TRPC7: variants seen among roughly 807,000 people sequenced by gnomAD.
The protein encoded by TRPC7 is transient receptor potential cation channel subfamily C member 7.
TRPC7 carries 42 observed loss-of-function variants against 90.1 expected under a neutral mutation model. That is an observed-to-expected ratio of 0.47 (90% CI 0.36 to 0.60). The LOEUF (loss-of-function observed/expected upper bound fraction) is 0.60. Ranked by LOEUF, TRPC7 falls within the 20% of genes least tolerant of loss-of-function variation. TRPC7 has a pLI of 0.00. For synonymous variants in TRPC7, 451 were observed against 436.3 expected (o/e 1.03, Z -0.42); for missense variants, 955 against 1,112.3 (o/e 0.86, Z 2.01).
chr5:136,276,109 A>G (rs766222293), intron 3 of TRPC7, among the ~76,000 whole-genome samples: 1 of 152,202 alleles, frequency 6.6e-6, no homozygotes, highest in Non-Finnish European at 1.5e-5. Flanking sequence ...TAGTTGACTC[A>G]GGGTCAACTG....
At chr5:136,298,024 G>A (rs1475151731) in intron 3 of TRPC7, among the ~76,000 whole-genome samples, 1 of 152,136 alleles carries the variant, frequency 6.6e-6, no homozygotes, top group African/African-American at 2.4e-5. Context: ...TCTTCTACTT[G>A]CCTGGGTATG....
Position 136,260,148 on chromosome 5 carries a change from T to C in TRPC7, c.1345+6072A>G, listed in dbSNP as rs563366861. On this transcript the variant is annotated intron_variant, in intron 5 of 11. Coordinates refer to ENST00000513104, the MANE Select transcript of TRPC7 (RefSeq NM_020389.3). Reference sequence around the variant, plus strand: ...AAGTTGTTGTCAACACAAGTGGCCATTGAAAGAGGTGATTGGGAAAACCAG... The same window carrying C: ...AAGTTGTTGTCAACACAAGTGGCCACTGAAAGAGGTGATTGGGAAAACCAG... Among the ~76,000 whole-genome samples the C allele has an allele frequency of 5.9e-5, 9 of 152,202 alleles. No individual in the cohort carries two copies. The South Asian group carries it at 1.9e-3, about 32-fold the overall frequency.
At chr5:136,344,610 C>T (rs139134916) in intron 2 of TRPC7, among the ~76,000 whole-genome samples, 169 of 152,294 alleles carry the variant, frequency 1.1e-3, no homozygotes, top group African/African-American at 3.8e-3. Flanking sequence ...GACAGCAGCA[C>T]GTGGCACATC....
chr5:136,286,077 G>C (rs905697232), intron 3 of TRPC7, among the ~76,000 whole-genome samples: 1 of 152,218 alleles, frequency 6.6e-6, no homozygotes, highest in African/African-American at 2.4e-5. Flanking sequence ...ACTTGGAACA[G>C]TGTCCAGTAC....
At chr5:136,253,137 ATTAATATTT>A (rs1756578568) in intron 5 of TRPC7, among the ~76,000 whole-genome samples, 2 of 152,196 alleles carry the variant, frequency 1.3e-5, no homozygotes. Flanking sequence ...TGTTGCAGTG[ATTAATATTT>A]TGGATATGAT....
intron 2 of TRPC7, among the ~76,000 whole-genome samples, chr5:136,330,688 G>A (rs1234535166): frequency 1.3e-5 from 2 of 152,254 alleles, no homozygotes; most frequent in Non-Finnish European, 2.9e-5. Flanking sequence ...GGGAAGGACA[G>A]GAGATGAGAC....
At chr5:136,223,064 C>T (rs557185378) in intron 10 of TRPC7, among the ~76,000 whole-genome samples, 8 of 152,330 alleles carry the variant, frequency 5.3e-5, no homozygotes, top group African/African-American at 1.9e-4. Flanking sequence ...TTCTCTCAGC[C>T]CCTTTCCTCT....
chr5:136,214,289 A>G (rs2149790960), intron 11 of TRPC7: 1 of 152,670 alleles, frequency 6.6e-6, no homozygotes, highest in Non-Finnish European at 1.5e-5. Context: ...TAGAAGTCCA[A>G]TGGGTCTAGG....
intron 5 of TRPC7, among the ~76,000 whole-genome samples, chr5:136,262,486 G>A (rs1756891277): frequency 6.6e-6 from 1 of 152,208 alleles, no homozygotes; most frequent in African/African-American, 2.4e-5. Flanking sequence ...AATTTGAACA[G>A]TGATTTGAAG....
intron 3 of TRPC7, among the ~76,000 whole-genome samples, chr5:136,299,335 GT>G: frequency 5.3e-5 from 5 of 94,106 alleles, no homozygotes; most frequent in Non-Finnish European, 6.4e-5. Context: ...TGACTGGGGT[GT>G]GTGCGTGTGT....
chr5:136,261,178 A>C (rs919393631), intron 5 of TRPC7, among the ~76,000 whole-genome samples: 50 of 152,110 alleles, frequency 3.3e-4, no homozygotes, highest in African/African-American at 1.2e-3. Context: ...GCTCAAATCT[A>C]TCTCTCAGTT....
intron 2 of TRPC7, among the ~76,000 whole-genome samples, chr5:136,338,533 T>C (rs1176946694): frequency 6.6e-6 from 1 of 152,188 alleles, no homozygotes; most frequent in Admixed American, 6.5e-5. Context: ...AGGCGGGACA[T>C]GTTTTGAAAG....
At position 136,251,767 on chromosome 5, in the gene TRPC7, T is replaced by A; in HGVS notation, c.1461A>T (p.Thr487=). The A allele has an allele frequency of 6.2e-7, 1 of 1,613,962 alleles. No individual in the cohort carries two copies. Among genetic ancestry groups the A allele is most frequent in the Non-Finnish European group, 8.5e-7 (1 of 1,179,872 alleles). Reference sequence around the variant, plus strand: ...CCTTCAGGAAGGCCATGAAGCGTGCTGTGAAGGAGGCCACGAAGATGGACA... The same window carrying A: ...CCTTCAGGAAGGCCATGAAGCGTGCAGTGAAGGAGGCCACGAAGATGGACA... ...GMLSIFVASF[T]ARFMAFLKAT... Residue 487 remains threonine (T), a synonymous_variant, in exon 6 of 12, where the codon ACA becomes ACT. Coordinates refer to ENST00000513104, the MANE Select transcript of TRPC7 (RefSeq NM_020389.3).
intron 3 of TRPC7, among the ~76,000 whole-genome samples, chr5:136,312,239 T>A (rs1443108541): frequency 6.6e-6 from 1 of 152,170 alleles, no homozygotes; most frequent in Non-Finnish European, 1.5e-5. Context: ...TAAAACCATG[T>A]CCTCATAACG....
intron 3 of TRPC7, among the ~76,000 whole-genome samples, chr5:136,302,541 G>T (rs10053804): frequency 0.73 from 111,291 of 151,860 alleles, 41,930 homozygotes; most frequent in African/African-American, 0.93. Flanking sequence ...TCTCTGGGCT[G>T]GCCTCCTTCA....
intron 1 of TRPC7, among the ~76,000 whole-genome samples, chr5:136,360,790 A>C (rs1000058081): frequency 1.3e-5 from 2 of 152,130 alleles, no homozygotes; most frequent in African/African-American, 4.8e-5. Context: ...TTCACAATAG[A>C]CTATGAAGCC....
intron 7 of TRPC7, among the ~76,000 whole-genome samples, chr5:136,242,726 T>C (rs868794445): frequency 2.6e-5 from 4 of 152,166 alleles, no homozygotes; most frequent in Admixed American, 2.6e-4. Flanking sequence ...TCCTAGACCA[T>C]CTGTACCAGA....
rs368106678 is a variant in TRPC7, at chr5:136,226,436, A to G, written c.2041-181T>C. Reference sequence around the variant, plus strand: ...TTTGCTCTCACTAAAACCATGCACAATGGTCACTTTCTGCCTGTCTTCTTT... The same window carrying G: ...TTTGCTCTCACTAAAACCATGCACAGTGGTCACTTTCTGCCTGTCTTCTTT... On this transcript the variant is annotated intron_variant, in intron 8 of 11. Coordinates refer to ENST00000513104, the MANE Select transcript of TRPC7 (RefSeq NM_020389.3). 4.0e-5 allele frequency: 24 copies of G among 598,294 alleles called. No homozygotes were observed. The Admixed American group carries it at 6.1e-4, about 15-fold the overall frequency. The allele number at this position is 598,294 out of a possible 1,614,324, so 37.1% of individuals were successfully genotyped here.
chr5:136,326,158 T>C (rs1047501440), intron 2 of TRPC7, among the ~76,000 whole-genome samples: 1 of 152,246 alleles, frequency 6.6e-6, no homozygotes, highest in African/African-American at 2.4e-5. Flanking sequence ...CATGCCCACC[T>C]TGTGGAGCGC....
Sources: allele counts gnomAD v4.1 joint callset (sites outside exome capture counted in the v4.1 genomes callset), GRCh38; gene constraint gnomAD v4.1.1; transcripts MANE v1.5; gene names NCBI Gene and HGNC (gene_info 2026-07-23, HGNC 2026-07-21).